The following DFFB variants were observed in gnomAD, a reference collection of about 807,000 sequenced individuals.
The protein encoded by DFFB is DNA fragmentation factor subunit beta, also known as DNA fragmentation factor 40 kDa subunit.
DFFB carries 29 observed loss-of-function variants against 32.7 expected under a neutral mutation model. The ratio of observed to expected loss-of-function variants is 0.89; its 90% CI spans 0.66 to 1.21. The LOEUF is 1.21. DFFB is among the 50% of genes most tolerant of loss of function. The pLI is 0.00. For missense variants in DFFB, 398 were observed against 440.6 expected, an observed-to-expected ratio of 0.90 and a Z score of 0.87; for synonymous variants, 170 against 177.1, an observed-to-expected ratio of 0.96 and a Z score of 0.32.
chr1:3,857,650 C>G lies in DFFB; in HGVS notation c.47C>G (p.Pro16Arg), dbSNP rs1330582913. 1.9e-6 allele frequency: 3 copies of G among 1,600,418 alleles called. No homozygotes were observed. The highest frequency in any genetic ancestry group is 1.3e-5 in the African/African-American group (1 of 74,342). Residue 16 changes from proline (P) to arginine (R), a missense_variant, in exon 1 of 7, where the codon CCG becomes CGG. Transcript: ENST00000378209. The stretch of plus-strand genomic sequence containing the variant: ...GTGAAGCTGCGGGCCCTGCGCAGCC[C>G]GAGGAAGTTCGGCGTGGCTGGCCGG... ...KSVKLRALRS[P>R]RKFGVAGRSC...
At chr1:3,864,257 G>C (rs549053092) in intron 2 of DFFB, among the ~76,000 whole-genome samples, 157 of 152,202 alleles carry the variant, frequency 1.0e-3, no homozygotes, top group African/African-American at 3.7e-3. Context: ...GAGCCACCGC[G>C]CCCGGCCTCT....
chr1:3,876,990 A>C (rs1345470286), intron 6 of DFFB, among the ~76,000 whole-genome samples: 1 of 152,148 alleles, frequency 6.6e-6, no homozygotes, highest in Non-Finnish European at 1.5e-5. Flanking sequence ...GCCCAGAAGA[A>C]TCCTGCCTCC....
intron 6 of DFFB, among the ~76,000 whole-genome samples, chr1:3,879,129 C>G (rs568324908): frequency 3.3e-5 from 5 of 152,208 alleles, no homozygotes; most frequent in Non-Finnish European, 7.3e-5. Flanking sequence ...TTCTCCTCCT[C>G]TTGGAAAATG....
chr1:3,867,931 G>C, intron 3 of DFFB, 43 bp from the exon 4 acceptor site: 1 of 1,597,920 alleles, frequency 6.3e-7, no homozygotes, highest in Non-Finnish European at 8.6e-7. Flanking sequence ...AGAGGCCCCT[G>C]GCCTGCCCTG....
At chr1:3,866,276 TC>T (rs574861763) in intron 3 of DFFB, 36 of 507,518 alleles carry the variant, frequency 7.1e-5, no homozygotes, top group African/African-American at 5.6e-4. Flanking sequence ...TCTTGCTCTG[TC>T]CCCCAGGCTG....
chr1:3,877,265 T>C (rs1338684258), intron 6 of DFFB, among the ~76,000 whole-genome samples: 5 of 152,092 alleles, frequency 3.3e-5, no homozygotes, highest in Non-Finnish European at 5.9e-5. Context: ...GTGTCTCTTT[T>C]GTATCTAATC....
intron 6 of DFFB, among the ~76,000 whole-genome samples, chr1:3,873,775 G>C (rs1047705318): frequency 3.6e-4 from 54 of 152,046 alleles, no homozygotes; most frequent in Non-Finnish European, 7.4e-5. Flanking sequence ...CACTGCATCC[G>C]GCCAGATGTG....
rs1225620504 is a variant in DFFB at position 3,865,475 on chromosome 1, T to A, written c.242-337T>A. Among the ~76,000 whole-genome samples the A allele has an allele frequency of 6.6e-6, 1 of 152,012 alleles. No homozygotes were observed. The highest frequency in any genetic ancestry group is 1.5e-5 in the Non-Finnish European group (1 of 68,010). On this transcript the variant is annotated intron_variant, in intron 2 of 6. Transcript: ENST00000378209. The surrounding 1 kb of genome is among the most constrained non-coding windows in gnomAD (Gnocchi z 4.7). ...AGAGTAGGAAAAGTGATCGGAAGGA[T>A]CTGAAAGCAAGGTCTCCAGGAAGGG...
intron 5 of DFFB, 119 bp downstream of exon 5, chr1:3,869,894 A>G: frequency 4.6e-6 from 5 of 1,094,938 alleles, no homozygotes; most frequent in Non-Finnish European, 6.4e-6. Context: ...CCTTGTGAAG[A>G]GGTACAGCCC....
Position 3,871,447 on chromosome 1 carries a change from C to T in DFFB, c.682-1025C>T, listed in dbSNP as rs372868079. Among the ~76,000 whole-genome samples, 202 of 152,226 alleles carry T rather than the reference C, an allele frequency of 1.3e-3. 4 individuals are homozygous for T. In the South Asian group the frequency reaches 0.038, roughly 29 times the overall value. ...GATTACAGGCGCCCGCCACCATGCC[C>T]GGCTAATTTTTGTGTTTTTAGTAGA... On this transcript the variant is annotated intron_variant, in intron 5 of 6. Coordinates refer to ENST00000378209, the MANE Select transcript of DFFB (RefSeq NM_004402.4).
Position 3,858,803 on chromosome 1 carries a change from C to G in DFFB, c.200C>G (p.Ala67Gly), listed in dbSNP as rs1197176024. The G allele has an allele frequency of 6.2e-7, 1 of 1,614,088 alleles. No individual in the cohort carries two copies. ...TACTTCCCCAGTGTTCCCGACAACG[C>G]CGAGCTGGTGCTGCTCACCTTGGGC... ...EDYFPSVPDN[A>G]ELVLLTLGQA... is the part of the protein sequence containing the mutation. The change falls in exon 2 of 7, where the codon GCC becomes GGC. Residue 67 changes from alanine to glycine, a missense_variant. Transcript: ENST00000378209.
intron 6 of DFFB, among the ~76,000 whole-genome samples, chr1:3,879,635 T>C (rs1645297572): frequency 6.6e-6 from 1 of 152,186 alleles, no homozygotes; most frequent in Admixed American, 6.6e-5. Context: ...CGGGCACCTG[T>C]TCTTCCAGCC....
chr1:3,869,539 T>C, intron 4 of DFFB, 66 bp from the exon 5 acceptor site: 1 of 1,511,618 alleles, frequency 6.6e-7, no homozygotes, highest in Non-Finnish European at 9.0e-7. Flanking sequence ...GTGAGATGGA[T>C]CGAGAGCCAG....
At chr1:3,857,924 G>T (rs1644786462) in intron 1 of DFFB, among the ~76,000 whole-genome samples, 1 of 152,182 alleles carries the variant, frequency 6.6e-6, no homozygotes, top group African/African-American at 2.4e-5. Context: ...GGGACGACCT[G>T]GATCACCCCT....
chr1:3,862,095 A>C (rs1644890195), intron 2 of DFFB, among the ~76,000 whole-genome samples: 1 of 152,264 alleles, frequency 6.6e-6, no homozygotes, highest in Non-Finnish European at 1.5e-5. Context: ...CTGAAAATGA[A>C]GCAGAAAATC....
In DFFB at chr1:3,869,531, G is replaced by A. The variant is rs1557717244; in HGVS notation, c.511-74G>A. On this transcript the variant is annotated intron_variant, in intron 4 of 6. Transcript: ENST00000378209. The stretch of plus-strand genomic sequence containing the variant: ...GCAGGGTCTCAGAGGGCCATGGAGT[G>A]AGATGGATCGAGAGCCAGTGCGGGT... 5 of 1,471,262 alleles carry A rather than the reference G, an allele frequency of 3.4e-6. No homozygotes were observed. The South Asian group carries it at 6.1e-5, about 18-fold the overall frequency. The allele number at this position is 1,471,262 out of a possible 1,614,324, so 91.1% of individuals were successfully genotyped here.
At position 3,865,345 on chromosome 1, in the gene DFFB, T is replaced by C. The variant is rs1570904249; in HGVS notation, c.242-467T>C. On this transcript the variant is annotated intron_variant, in intron 2 of 6. Transcript: ENST00000378209. This position sits in a 1 kb window ranked among gnomAD's most constrained non-coding sequence, Gnocchi z 4.7. Reference sequence around the variant, plus strand: ...TTTGTGCATGTTACTGAGTTCTCTTTGCTAACATTTTGTTAAGGTCCTGGG... The same window carrying C: ...TTTGTGCATGTTACTGAGTTCTCTTCGCTAACATTTTGTTAAGGTCCTGGG... 1.3e-5 allele frequency among the ~76,000 whole-genome samples: 2 copies of C among 152,304 alleles called. No individual in the cohort carries two copies. The highest frequency in any genetic ancestry group is 3.9e-4 in the East Asian group (2 of 5,186).
Position 3,883,839 on chromosome 1 carries a change from A to C in DFFB, c.*98A>C. The C allele has an allele frequency of 2.2e-6, 2 of 912,804 alleles. No individual in the cohort carries two copies. Among genetic ancestry groups the C allele is most frequent in the Admixed American group, 5.1e-5 (2 of 39,200 alleles). The allele number at this position is 912,804 out of a possible 1,614,324, so 56.5% of individuals were successfully genotyped here. ...TTTTTTGTTTTTCGTTTTTTTGGTC[A>C]CTCCAGTAGCTCCTGGAAAAAACCT... On this transcript the variant is annotated 3_prime_UTR_variant, in exon 7 of 7. Transcript: ENST00000378209.
rs1638302822 is a variant in DFFB at position 3,884,471 on chromosome 1, C to T, written c.*730C>T. 6.6e-6 allele frequency: 1 copy of T among 152,302 alleles called. No homozygotes were observed. Among genetic ancestry groups the T allele is most frequent in the Non-Finnish European group, 1.5e-5 (1 of 68,146 alleles). The allele number at this position is 152,302 out of a possible 1,614,324, so 9.4% of individuals were successfully genotyped here. A position where few individuals can be genotyped will look rare whatever the true frequency, so the allele number is the denominator to read the frequency against. ...CCCTTTCCATGGCAAATGGGCAGCT[C>T]CATCCTCTTGACTCTTCTAAATGCC... On this transcript the variant is annotated 3_prime_UTR_variant, in exon 7 of 7. Coordinates refer to ENST00000378209, the MANE Select transcript of DFFB (RefSeq NM_004402.4).
Sources: allele counts gnomAD v4.1 joint callset (sites outside exome capture counted in the v4.1 genomes callset), GRCh38; gene constraint gnomAD v4.1.1; non-coding constraint Gnocchi (gnomAD v3.1); transcripts MANE v1.5; gene names NCBI Gene and HGNC (gene_info 2026-07-23, HGNC 2026-07-21).